The following COG2 variants were observed in gnomAD, a reference collection of about 807,000 sequenced individuals.
The protein encoded by COG2 is component of oligomeric golgi complex 2.
A neutral mutation model predicts 90.6 loss-of-function variants in COG2; 52 were observed. The observed-to-expected ratio is 0.57, with a 90% CI of 0.46 to 0.72. The LOEUF (loss-of-function observed/expected upper bound fraction) is 0.72, where lower values mean the gene tolerates loss of function less well. COG2 is among the 30% of genes least tolerant of loss of function. The pLI, the probability that COG2 is intolerant of heterozygous loss-of-function variation, is 0.00. For synonymous variants in COG2, 337 were observed against 320.4 expected (o/e 1.05, Z -0.55); for missense variants, 829 against 891.2 (o/e 0.93, Z 0.89).
chr1:230,656,311 C>T (rs185665725), intron 1 of COG2, among the ~76,000 whole-genome samples: 17 of 152,212 alleles, frequency 1.1e-4, no homozygotes, highest in Admixed American at 7.9e-4. Context: ...GTTGTGTCTT[C>T]GTTCTCATTG....
rs1376840588 is a variant in COG2 at position 230,693,588 on chromosome 1, C to G, written c.*195C>G. 3 of 441,270 alleles carry G rather than the reference C, an allele frequency of 6.8e-6. No homozygotes were observed. The highest frequency in any genetic ancestry group is 1.2e-5 in the Non-Finnish European group (3 of 247,670). The allele number at this position is 441,270 out of a possible 1,614,324, so 27.3% of individuals were successfully genotyped here. ...TTCTTTGCCCAAAAGAACACAAAAG[C>G]CTTTTTCCATTGTATGGAAGATAGT... On this transcript the variant is annotated 3_prime_UTR_variant, in exon 18 of 18. Transcript: ENST00000366669.
At chr1:230,678,536 T>G in intron 9 of COG2, 1 of 1,163,322 alleles carries the variant, frequency 8.6e-7, no homozygotes, top group African/African-American at 1.6e-5. Flanking sequence ...TTCTTCAGAA[T>G]TTTCTCCTTC....
chr1:230,691,844 G>A, intron 17 of COG2: 2 of 336,814 alleles, frequency 5.9e-6, no homozygotes, highest in Non-Finnish European at 1.1e-5. Context: ...GCTCACTACA[G>A]TGAGACTTTT....
chr1:230,668,635 G>C, intron 5 of COG2, 41 bp from the exon 6 acceptor site: 1 of 1,214,322 alleles, frequency 8.2e-7, no homozygotes, highest in South Asian at 1.4e-5. Flanking sequence ...TGGAAATAGA[G>C]ACCTTAGGGG....
chr1:230,660,346 T>C (rs1662152592), intron 2 of COG2, among the ~76,000 whole-genome samples: 1 of 152,210 alleles, frequency 6.6e-6, no homozygotes. Flanking sequence ...CTATTTCATT[T>C]TGATTTTTCT....
chr1:230,669,444 G>T lies in COG2; in HGVS notation c.683G>T (p.Arg228Leu). 1 of 1,613,994 alleles carries T rather than the reference G, an allele frequency of 6.2e-7. No individual in the cohort carries two copies. Among genetic ancestry groups the T allele is most frequent in the Non-Finnish European group, 8.5e-7 (1 of 1,179,964 alleles). The change falls in exon 7 of 18, where the codon CGG (arginine) becomes CTG (leucine). Residue 228 changes from arginine (R) to leucine (L), a missense_variant. Physicochemically the swap from Arg to Leu is moderately radical, Grantham distance 102. Transcript: ENST00000366669. ...CAGACGTCTGACGTCGATATAATAC[G>T]GCACTGCTTGCGGACTTACGCCACG... is the stretch of plus-strand genomic sequence containing the variant. The part of the protein sequence containing the change: ...GLQTSDVDII[R>L]HCLRTYATID...
chr1:230,685,174 G>A lies in COG2; in HGVS notation c.1318G>A (p.Val440Met), dbSNP rs762257440. The A allele has an allele frequency of 1.9e-6, 3 of 1,614,132 alleles. No individual in the cohort carries two copies. Among genetic ancestry groups the A allele is most frequent in the Non-Finnish European group, 2.5e-6 (3 of 1,180,014 alleles). The stretch of plus-strand genomic sequence containing the variant: ...AGATGAGATGTTCTTGCCATTACTG[G>A]TGCATCGCCTGTGGAGACTCACTCT... Reference protein sequence around the residue: ...WSDEMFLPLLVHRLWRLTLQI... With the variant: ...WSDEMFLPLLMHRLWRLTLQI... Residue 440 changes from valine to methionine, a missense_variant, in exon 12 of 18, where the codon GTG becomes ATG. Physicochemically the swap from Val to Met is conservative, Grantham distance 21. Transcript: ENST00000366669.
chr1:230,658,264 C>T (rs1384622756), intron 1 of COG2, among the ~76,000 whole-genome samples: 1 of 152,088 alleles, frequency 6.6e-6, no homozygotes. Flanking sequence ...AGTGGACATG[C>T]TATTCCTTTC....
In COG2 at chr1:230,678,460, GCTAT is replaced by G. The variant is rs1221510737; in HGVS notation, c.1027-450_1027-447del. The G allele has an allele frequency of 5.1e-6, 5 of 985,210 alleles. No individual in the cohort carries two copies. The East Asian group carries it at 3.4e-4, about 67-fold the overall frequency. 61.0% of individuals were successfully genotyped at this position (985,210 alleles called of 1,614,324 possible). On this transcript the variant is annotated intron_variant, in intron 9 of 17. Coordinates refer to ENST00000366669, the MANE Select transcript of COG2 (RefSeq NM_007357.3). Reference sequence around the variant, plus strand: ...GGTACATCTCCCTGTCAGTTTTCATGCTATCTTATTTATAAAAATGAAGTGAATA... The same window carrying G: ...GGTACATCTCCCTGTCAGTTTTCATGCTTATTTATAAAAATGAAGTGAATA...
In COG2 at chr1:230,683,563, T is replaced by C; in HGVS notation, c.1167-11T>C. On this transcript the variant is annotated splice_polypyrimidine_tract_variant and intron_variant, in intron 10 of 17. Coordinates refer to ENST00000366669, the MANE Select transcript of COG2 (RefSeq NM_007357.3). Reference sequence around the variant, plus strand: ...CATAAACATTAATTCTTCTTCTTGTTTTTATCTCAGATTTAGAGAAATAGC... The same window carrying C: ...CATAAACATTAATTCTTCTTCTTGTCTTTATCTCAGATTTAGAGAAATAGC... The C allele has an allele frequency of 6.2e-7, 1 of 1,601,098 alleles. No individual in the cohort carries two copies. The highest frequency in any genetic ancestry group is 8.6e-7 in the Non-Finnish European group (1 of 1,168,656).
At position 230,669,344 on chromosome 1, in the gene COG2, C is replaced by T. The variant is rs773222653; in HGVS notation, c.595-12C>T. The T allele has an allele frequency of 2.5e-6, 4 of 1,586,004 alleles. No homozygotes were observed. Among genetic ancestry groups the T allele is most frequent in the Non-Finnish European group, 3.4e-6 (4 of 1,164,500 alleles). Reference sequence around the variant, plus strand: ...TAGAGCTTTTTTTTTATTTACCCACCTTTTCTTGCAGCGTATAGCTGGCAT... The same window carrying T: ...TAGAGCTTTTTTTTTATTTACCCACTTTTTCTTGCAGCGTATAGCTGGCAT... On this transcript the variant is annotated splice_polypyrimidine_tract_variant and intron_variant, in intron 6 of 17. Coordinates refer to ENST00000366669, the MANE Select transcript of COG2 (RefSeq NM_007357.3).
At chr1:230,664,054 T>G (rs943630867) in intron 4 of COG2, among the ~76,000 whole-genome samples, 5 of 151,990 alleles carry the variant, frequency 3.3e-5, no homozygotes, top group African/African-American at 9.7e-5. Flanking sequence ...CCAGATGTGG[T>G]GGTGTGTGCC....
intron 10 of COG2, chr1:230,680,479 C>T (rs926226486): frequency 6.6e-6 from 1 of 152,186 alleles, no homozygotes; most frequent in African/African-American, 2.4e-5. Flanking sequence ...CTCTGCCAGG[C>T]TGGGCCCCTT....
At chr1:230,671,772 T>C (rs1022215075) in intron 8 of COG2, 132 bp downstream of exon 8, 2 of 824,262 alleles carry the variant, frequency 2.4e-6, no homozygotes, top group Non-Finnish European at 3.7e-6. Context: ...TCTTGTTATT[T>C]CATTGTTTCT....
chr1:230,661,320 G>A (rs2296794), intron 3 of COG2: 109,311 of 152,130 alleles, frequency 0.72, 39,790 homozygotes, highest in East Asian at 0.96. Flanking sequence ...TAATGTTTCT[G>A]TAAGATAATG....
At chr1:230,666,009 G>A (rs573266398) in intron 5 of COG2, among the ~76,000 whole-genome samples, 4 of 152,030 alleles carry the variant, frequency 2.6e-5, no homozygotes, top group African/African-American at 9.7e-5. Context: ...GCACTTTCTG[G>A]GTAACCTCAT....
chr1:230,685,261 C>G (rs1662860628), intron 12 of COG2, 25 bp downstream of exon 12: 2 of 1,612,698 alleles, frequency 1.2e-6, no homozygotes, highest in East Asian at 2.2e-5. Flanking sequence ...TGGAGCTCAT[C>G]CATAATCAAT....
chr1:230,662,069 C>T (rs1240779521), intron 3 of COG2, among the ~76,000 whole-genome samples: 2 of 152,096 alleles, frequency 1.3e-5, no homozygotes, highest in Non-Finnish European at 1.5e-5. Flanking sequence ...TCCAAATTCT[C>T]TCCCATGGAG....
intron 1 of COG2, among the ~76,000 whole-genome samples, chr1:230,648,574 AAAG>A (rs1320508151): frequency 1.3e-5 from 2 of 152,226 alleles, no homozygotes; most frequent in South Asian, 2.1e-4. Context: ...CCTTTGGTAA[AAAG>A]AAGTTCTTTG....
Sources: gnomAD v4.1 joint callset for allele counts (sites outside exome capture counted in the v4.1 genomes callset) on GRCh38, gnomAD v4.1.1 for gene constraint, MANE v1.5 for transcripts, NCBI Gene and HGNC (gene_info 2026-07-23, HGNC 2026-07-21) for gene names.